CCND2: variants seen among roughly 807,000 people sequenced by gnomAD.
The protein encoded by CCND2 is cyclin D2.
CCND2 carries 6 observed loss-of-function variants against 30.2 expected under a neutral mutation model. The observed-to-expected ratio is 0.20, with a 90% CI of 0.11 to 0.39. The LOEUF is 0.39. Ranked by LOEUF, CCND2 falls within the 10% of genes least tolerant of loss-of-function variation. The pLI is 1.00. For synonymous variants in CCND2, 150 were observed against 153.1 expected, an observed-to-expected ratio of 0.98 and a Z score of 0.15; for missense variants, 235 against 373.4, an observed-to-expected ratio of 0.63 and a Z score of 3.06.
rs1864275481 is a variant in CCND2 at position 4,303,254 on chromosome 12, A to T, written c.*3245A>T. On this transcript the variant is annotated 3_prime_UTR_variant, in exon 5 of 5. Transcript: ENST00000261254. This position sits in a 1 kb window ranked among gnomAD's most constrained non-coding sequence, Gnocchi z 4.6. ...TGTGATGATGGGTGTGGGGCTGCCG[A>T]TGGGAAAGTCGGGGGTTGTTAGGCT... 4.3e-6 allele frequency: 1 copy of T among 233,052 alleles called. No individual in the cohort carries two copies. The allele number at this position is 233,052 out of a possible 1,614,324, so 14.4% of individuals were successfully genotyped here.
rs2120523194 is a variant in CCND2 at position 4,276,154 on chromosome 12, C to T, written c.345C>T (p.Thr115=). Residue 115 remains threonine, a synonymous_variant, in exon 2 of 5, where the codon ACC becomes ACT. Coordinates refer to ENST00000261254, the MANE Select transcript of CCND2 (RefSeq NM_001759.4). The surrounding 1 kb of genome is among the most constrained non-coding windows in gnomAD (Gnocchi z 4.8). ...TCCTGGCCTCCAAACTCAAAGAGAC[C>T]AGCCCGCTGACCGCGGAGAAGCTGT... The part of the protein sequence containing the change: ...CMFLASKLKE[T]SPLTAEKLCI... 1 of 1,614,232 alleles carries T rather than the reference C, an allele frequency of 6.2e-7. No individual in the cohort carries two copies. The highest frequency in any genetic ancestry group is 8.5e-7 in the Non-Finnish European group (1 of 1,180,052).
At position 4,300,191 on chromosome 12, in the gene CCND2, A is replaced by C; in HGVS notation, c.*182A>C. 1 of 599,048 alleles carries C rather than the reference A, an allele frequency of 1.7e-6. No individual in the cohort carries two copies. Among genetic ancestry groups the C allele is most frequent in the South Asian group, 2.5e-5 (1 of 39,820 alleles). The allele number at this position is 599,048 out of a possible 1,614,324, so 37.1% of individuals were successfully genotyped here. A position where few individuals can be genotyped will look rare whatever the true frequency, so the allele number is the denominator to read the frequency against. On this transcript the variant is annotated 3_prime_UTR_variant, in exon 5 of 5. Coordinates refer to ENST00000261254, the MANE Select transcript of CCND2 (RefSeq NM_001759.4). ...AGGTCCTACGAAAACGGAATAATAA[A>C]AAGCATTTGGTGCCTATTTGAAGTA...
chr12:4,294,028 A>G (rs1864134053), intron 4 of CCND2, among the ~76,000 whole-genome samples: 1 of 152,146 alleles, frequency 6.6e-6, no homozygotes. Context: ...TCTCTGCCTG[A>G]GTTGGCCGCG....
chr12:4,283,045 C>T (rs1863971429), intron 3 of CCND2, among the ~76,000 whole-genome samples: 1 of 152,252 alleles, frequency 6.6e-6, no homozygotes, highest in African/African-American at 2.4e-5. Context: ...ACCCCAAGAC[C>T]TCGGCCACCA....
intron 4 of CCND2, among the ~76,000 whole-genome samples, chr12:4,297,322 A>G (rs914028107): frequency 1.3e-5 from 2 of 152,216 alleles, no homozygotes; most frequent in African/African-American, 2.4e-5. Context: ...CTGTAATCCC[A>G]GTACTTCGGG....
In CCND2 at chr12:4,299,789, A is replaced by G. The variant is rs1268964327; in HGVS notation, c.721-71A>G. The G allele has an allele frequency of 7.7e-6, 11 of 1,428,154 alleles. No individual in the cohort carries two copies. The highest frequency in any genetic ancestry group is 2.8e-5 in the African/African-American group (2 of 71,008). 88.5% of individuals were successfully genotyped at this position (1,428,154 alleles called of 1,614,324 possible). On this transcript the variant is annotated intron_variant, in intron 4 of 4. Coordinates refer to ENST00000261254, the MANE Select transcript of CCND2 (RefSeq NM_001759.4). This position sits in a 1 kb window ranked among gnomAD's most constrained non-coding sequence, Gnocchi z 5.2. ...CAGACTTATGCAAGCTAAATTACGCATGTTTTCTCCGTAGGATGCTCTATG... is the reference window on the plus strand; with the variant it reads ...CAGACTTATGCAAGCTAAATTACGCGTGTTTTCTCCGTAGGATGCTCTATG...
rs1864212052 is a variant in CCND2 at position 4,299,045 on chromosome 12, GA to G, written c.721-810del. 1.3e-5 allele frequency among the ~76,000 whole-genome samples: 2 copies of G among 150,450 alleles called. No individual in the cohort carries two copies. On this transcript the variant is annotated intron_variant, in intron 4 of 4. Transcript: ENST00000261254. This position sits in a 1 kb window ranked among gnomAD's most constrained non-coding sequence, Gnocchi z 5.2. ...GAGTTAAGGAAATGGTAAAGAAGCA[GA>G]AAAAGTTGGGGATTTTTTTTTTTAA...
At chr12:4,286,481 T>G (rs975055623) in intron 3 of CCND2, among the ~76,000 whole-genome samples, 2 of 152,080 alleles carry the variant, frequency 1.3e-5, no homozygotes, top group African/African-American at 4.8e-5. Flanking sequence ...AAGATGCTCG[T>G]CTTCTGTGTA....
Position 4,301,881 on chromosome 12 carries a change from G to A in CCND2, c.*1872G>A, listed in dbSNP as rs567544553. On this transcript the variant is annotated 3_prime_UTR_variant, in exon 5 of 5. Coordinates refer to ENST00000261254, the MANE Select transcript of CCND2 (RefSeq NM_001759.4). The stretch of plus-strand genomic sequence containing the variant: ...TTCTTCGTACTGGAAAAGCCCTTCC[G>A]TAGTTTGTTTTCTTCTGGTAGCATA... 2.3e-3 allele frequency: 518 copies of A among 229,518 alleles called. No individual in the cohort carries two copies. Among genetic ancestry groups the A allele is most frequent in the Non-Finnish European group, 3.9e-3 (453 of 117,022 alleles). The allele number at this position is 229,518 out of a possible 1,614,324, so 14.2% of individuals were successfully genotyped here.
At chr12:4,291,789 C>T (rs190660382) in intron 4 of CCND2, among the ~76,000 whole-genome samples, 9 of 152,208 alleles carry the variant, frequency 5.9e-5, no homozygotes, top group Non-Finnish European at 1.3e-4. Flanking sequence ...AATGAAATTC[C>T]GATCCATGTT....
At chr12:4,280,637 T>G (rs1179480980) in intron 3 of CCND2, among the ~76,000 whole-genome samples, 3 of 150,776 alleles carry the variant, frequency 2.0e-5, no homozygotes. Context: ...GACCTGTCAT[T>G]TTGTCTCCCA....
At position 4,274,276 on chromosome 12, in the gene CCND2, C is replaced by A; in HGVS notation, c.195+41C>A. ...GCGCTCGCCAGGAGCCAGGACCCCT[C>A]CGGATGCTCGGGTCCCCGGCCGGAG... On this transcript the variant is annotated intron_variant, in intron 1 of 4. Transcript: ENST00000261254. The surrounding 1 kb of genome is among the most constrained non-coding windows in gnomAD (Gnocchi z 7.7). The A allele has an allele frequency of 6.3e-7, 1 of 1,597,062 alleles. No homozygotes were observed. The highest frequency in any genetic ancestry group is 8.6e-7 in the Non-Finnish European group (1 of 1,167,758).
chr12:4,292,371 C>T (rs1232331117), intron 4 of CCND2, among the ~76,000 whole-genome samples: 2 of 152,098 alleles, frequency 1.3e-5, no homozygotes, highest in African/African-American at 4.8e-5. Context: ...AGTTATATGT[C>T]AGCTCCTACA....
At chr12:4,297,722 G>T (rs1162043046) in intron 4 of CCND2, 1 of 280,664 alleles carries the variant, frequency 3.6e-6, no homozygotes, top group African/African-American at 2.1e-5. Flanking sequence ...GGATGAGGCA[G>T]GTGAGCCCCA....
intron 4 of CCND2, among the ~76,000 whole-genome samples, chr12:4,296,445 G>C (rs758021525): frequency 6.6e-6 from 1 of 152,268 alleles, no homozygotes; most frequent in Non-Finnish European, 1.5e-5. Context: ...GAACCGCATC[G>C]CTACGCCTAA....
At chr12:4,278,408 C>T (rs969654267) in intron 2 of CCND2, among the ~76,000 whole-genome samples, 1 of 151,968 alleles carries the variant, frequency 6.6e-6, no homozygotes, top group African/African-American at 2.4e-5. Context: ...GGCCGTATCT[C>T]ATTGTAGGTT....
intron 4 of CCND2, among the ~76,000 whole-genome samples, chr12:4,295,546 G>A (rs779280335): frequency 1.3e-5 from 2 of 152,224 alleles, no homozygotes; most frequent in Non-Finnish European, 2.9e-5. Flanking sequence ...GGAGGCCAAG[G>A]CGGGTGGATC....
intron 1 of CCND2, among the ~76,000 whole-genome samples, chr12:4,275,673 T>A (rs1863861714): frequency 6.6e-6 from 1 of 151,572 alleles, no homozygotes; most frequent in Non-Finnish European, 1.5e-5. Context: ...AAAGAGTGAG[T>A]GAGTTAGAGT....
rs778716956 is a variant in CCND2 at position 4,299,936 on chromosome 12, G to A, written c.797G>A (p.Arg266His). The part of the protein sequence containing the change: ...NSLQQYRQDQ[R>H]DGSKSEDELD... ...CTGCAGCAGTACCGTCAGGACCAAC[G>A]TGACGGATCCAAGTCGGAGGATGAA... The change falls in exon 5 of 5, where the codon CGT becomes CAT. Residue 266 changes from arginine (R) to histidine (H), a missense_variant. By Grantham distance (29) the Arg-to-His change is conservative. Coordinates refer to ENST00000261254, the MANE Select transcript of CCND2 (RefSeq NM_001759.4). The surrounding 1 kb of genome is among the most constrained non-coding windows in gnomAD (Gnocchi z 5.2). 4.3e-6 allele frequency: 7 copies of A among 1,613,996 alleles called. No individual in the cohort carries two copies. The highest frequency in any genetic ancestry group is 5.9e-6 in the Non-Finnish European group (7 of 1,179,994).
Sources: gnomAD v4.1 joint callset for allele counts (sites outside exome capture counted in the v4.1 genomes callset) on GRCh38, gnomAD v4.1.1 for gene constraint, Gnocchi (gnomAD v3.1) non-coding constraint, MANE v1.5 for transcripts, NCBI Gene and HGNC (gene_info 2026-07-23, HGNC 2026-07-21) for gene names.